The following RANBP2 variants were observed in gnomAD, a reference collection of about 807,000 sequenced individuals.
RANBP2 encodes E3 SUMO-protein ligase RanBP2.
A neutral mutation model predicts 303.6 loss-of-function variants in RANBP2; 57 were observed. The observed-to-expected ratio is 0.19, with a 90% CI of 0.15 to 0.23. The LOEUF (loss-of-function observed/expected upper bound fraction) is 0.23. RANBP2 is among the 10% of genes least tolerant of loss of function. The probability of loss-of-function intolerance (pLI) is 1.00; values close to 1 mark genes in which losing one functional copy is unlikely to be tolerated. For missense variants in RANBP2, 3,138 were observed against 3,780.8 expected (o/e 0.83, Z 4.46); for synonymous variants, 1,167 against 1,301.5 (o/e 0.90, Z 2.23).
chr2:109,451,311 C>A, the RANBP2 span, among the ~76,000 whole-genome samples: 33 of 152,304 alleles, frequency 2.2e-4, no homozygotes, highest in African/African-American at 7.7e-4. Context: ...GTGGCTGGGT[C>A]TCATCAGGAG....
chr2:109,215,931 A>G, the RANBP2 span, among the ~76,000 whole-genome samples: 1 of 152,188 alleles, frequency 6.6e-6, no homozygotes, highest in Non-Finnish European at 1.5e-5. Flanking sequence ...CTGGGCTTCT[A>G]CCGTGCCAGC....
At chr2:109,315,440 A>G in the RANBP2 span, among the ~76,000 whole-genome samples, 11 of 152,236 alleles carry the variant, frequency 7.2e-5, no homozygotes, top group Non-Finnish European at 1.3e-4. Context: ...CAGGGAAGCA[A>G]TAGCTTGTGT....
chr2:109,231,052 G>T, the RANBP2 span, among the ~76,000 whole-genome samples: 10 of 152,382 alleles, frequency 6.6e-5, no homozygotes, highest in East Asian at 1.9e-3. Context: ...GGACAGAGCA[G>T]CAGAGTTGGC....
chr2:109,187,849 T>C, the RANBP2 span, among the ~76,000 whole-genome samples: 1 of 152,208 alleles, frequency 6.6e-6, no homozygotes, highest in Non-Finnish European at 1.5e-5. Context: ...TCTCAGCTTA[T>C]CAGCACGGAC....
At chr2:109,180,073 C>T in the RANBP2 span, among the ~76,000 whole-genome samples, 1 of 151,842 alleles carries the variant, frequency 6.6e-6, no homozygotes, top group Non-Finnish European at 1.5e-5. Flanking sequence ...GACCCAGGCA[C>T]AGCTGAACAA....
chr2:109,197,813 A>G, the RANBP2 span, among the ~76,000 whole-genome samples: 11 of 152,336 alleles, frequency 7.2e-5, no homozygotes, highest in Non-Finnish European at 1.6e-4. Flanking sequence ...AAAAAATGCT[A>G]TGGTGGGTTG....
chr2:108,907,682 G>T, the RANBP2 span, among the ~76,000 whole-genome samples: 1 of 151,970 alleles, frequency 6.6e-6, no homozygotes, highest in Non-Finnish European at 1.5e-5. Flanking sequence ...AAACGAAAGG[G>T]TTTTTTTCCC....
chr2:109,116,074 C>T, the RANBP2 span, among the ~76,000 whole-genome samples: 1 of 152,174 alleles, frequency 6.6e-6, no homozygotes, highest in Non-Finnish European at 1.5e-5. Flanking sequence ...TTTTTTCCTT[C>T]ATTTCAACTT....
chr2:109,629,334 TA>T, the RANBP2 span, among the ~76,000 whole-genome samples: 131 of 11,908 alleles, frequency 0.011, 7 homozygotes, highest in African/African-American at 0.019. Flanking sequence ...TATATATATA[TA>T]TATATATATA....
chr2:109,204,539 A>T, the RANBP2 span, among the ~76,000 whole-genome samples: 1 of 152,138 alleles, frequency 6.6e-6, no homozygotes, highest in Non-Finnish European at 1.5e-5. Context: ...TTTGTGTGCA[A>T]TGTACAATGT....
chr2:108,913,231 G>A, the RANBP2 span, among the ~76,000 whole-genome samples: 1 of 152,118 alleles, frequency 6.6e-6, no homozygotes, highest in Admixed American at 6.5e-5. Context: ...TTACAGGCAT[G>A]AGCCACCGCG....
chr2:108,731,775 A>G, intron 4 of RANBP2: 2 of 334,678 alleles, frequency 6.0e-6, no homozygotes, highest in East Asian at 8.8e-5. Context: ...CTGGTATACA[A>G]TTTTTGCTTC....
the RANBP2 span, among the ~76,000 whole-genome samples, chr2:108,933,016 C>T: frequency 5.9e-5 from 9 of 152,254 alleles, no homozygotes; most frequent in South Asian, 6.2e-4. Context: ...CCTGGCAGGG[C>T]CTTAAGATGG....
chr2:109,694,909 T>A, the RANBP2 span, among the ~76,000 whole-genome samples: 1 of 149,194 alleles, frequency 6.7e-6, no homozygotes, highest in East Asian at 2.0e-4. Flanking sequence ...CTCGGTTTCC[T>A]TCTATGACTC....
chr2:109,326,653 C>T, the RANBP2 span, among the ~76,000 whole-genome samples: 174 of 152,330 alleles, frequency 1.1e-3, no homozygotes, highest in African/African-American at 3.9e-3. Flanking sequence ...GCCTTTTCTA[C>T]AATGCCTGTT....
At chr2:108,906,232 G>A in the RANBP2 span, 2 of 1,509,978 alleles carry the variant, frequency 1.3e-6, no homozygotes, top group Non-Finnish European at 1.8e-6. Flanking sequence ...CCTCACAGGA[G>A]CCTCAGGGCT....
chr2:108,910,544 T>C, the RANBP2 span: 1 of 1,604,264 alleles, frequency 6.2e-7, no homozygotes, highest in African/African-American at 1.3e-5. Context: ...TGCAGGGAAA[T>C]GGGGAGGTTG....
intron 12 of RANBP2, among the ~76,000 whole-genome samples, chr2:108,752,767 T>C (rs1025878539): frequency 2.0e-5 from 3 of 151,516 alleles, no homozygotes; most frequent in Non-Finnish European, 2.9e-5. Context: ...CACTCCAGCC[T>C]GGGCTACAGA....
downstream of RANBP2, among the ~76,000 whole-genome samples, chr2:108,787,109 C>A (rs2149353354): frequency 6.6e-6 from 1 of 152,128 alleles, no homozygotes; most frequent in Middle Eastern, 3.4e-3. Context: ...GCGGGGGTGC[C>A]GCTTCACCTA....
Sources: gnomAD v4.1 joint callset for allele counts (sites outside exome capture counted in the v4.1 genomes callset) on GRCh38, gnomAD v4.1.1 for gene constraint, MANE v1.5 for transcripts, NCBI Gene and HGNC (gene_info 2026-07-23, HGNC 2026-07-21) for gene names.